The following C12orf42 variants were observed in gnomAD, a reference collection of about 807,000 sequenced individuals.
C12orf42 encodes the protein chromosome 12 open reading frame 42, also known as uncharacterized protein C12orf42.
In C12orf42, 25 loss-of-function variants were observed where a neutral mutation model predicts 21.6. The observed-to-expected ratio is 1.16, with a 90% CI of 0.84 to 1.62. C12orf42 has a LOEUF of 1.62. C12orf42 is among the 40% of genes most tolerant of loss of function. The probability of loss-of-function intolerance (pLI) is 0.00; values close to 1 mark genes in which losing one functional copy is unlikely to be tolerated. For missense variants in C12orf42, 483 were observed against 459.3 expected (o/e 1.05, Z -0.47); for synonymous variants, 174 against 175.0 (o/e 0.99, Z 0.05).
chr12:103,118,137 C>T, the C12orf42 span, among the ~76,000 whole-genome samples: 2 of 152,198 alleles, frequency 1.3e-5, no homozygotes, highest in African/African-American at 2.4e-5. Context: ...GAACTGTTAG[C>T]ACTTTCCTTG....
intron 4 of C12orf42, among the ~76,000 whole-genome samples, chr12:103,329,754 G>C (rs971193809): frequency 6.6e-6 from 1 of 151,820 alleles, no homozygotes; most frequent in Non-Finnish European, 1.5e-5. Context: ...CAAGGAAAAG[G>C]GGGGAAAAGT....
At chr12:103,560,562 T>C in the C12orf42 span, among the ~76,000 whole-genome samples, 1 of 152,248 alleles carries the variant, frequency 6.6e-6, no homozygotes, top group Non-Finnish European at 1.5e-5. Flanking sequence ...TCTGTGTACA[T>C]TTTACTGGTA....
chr12:103,546,069 C>T, the C12orf42 span, among the ~76,000 whole-genome samples: 86 of 152,252 alleles, frequency 5.6e-4, 1 homozygote, highest in African/African-American at 1.9e-3. Context: ...GAAGTTTAAA[C>T]ACTGAGAGAA....
chr12:103,161,002 C>T, the C12orf42 span, among the ~76,000 whole-genome samples: 1 of 152,150 alleles, frequency 6.6e-6, no homozygotes, highest in South Asian at 2.1e-4. Context: ...TTTAGACAAC[C>T]TATGTGAAAC....
the C12orf42 span, among the ~76,000 whole-genome samples, chr12:103,150,618 T>C: frequency 6.6e-6 from 1 of 152,172 alleles, no homozygotes; most frequent in Non-Finnish European, 1.5e-5. Context: ...AGTACATGCA[T>C]CTACTAAAGG....
At chr12:103,468,237 T>C (rs2137814166) in intron 2 of C12orf42, among the ~76,000 whole-genome samples, 1 of 152,204 alleles carries the variant, frequency 6.6e-6, no homozygotes, top group East Asian at 1.9e-4. Context: ...TTTCAAATTT[T>C]AATTAGATGT....
the C12orf42 span, among the ~76,000 whole-genome samples, chr12:103,539,575 T>A: frequency 1.1e-3 from 164 of 151,496 alleles, no homozygotes; most frequent in African/African-American, 3.7e-3. Context: ...AAATTGTAAG[T>A]TTAATTTTTT....
At chr12:103,049,659 T>C in the C12orf42 span, among the ~76,000 whole-genome samples, 3 of 152,184 alleles carry the variant, frequency 2.0e-5, no homozygotes, top group South Asian at 2.1e-4. Flanking sequence ...TATATTTTCA[T>C]TTTTTACTAC....
chr12:103,424,854 A>G (rs1246464093), intron 2 of C12orf42, among the ~76,000 whole-genome samples: 1 of 152,192 alleles, frequency 6.6e-6, no homozygotes, highest in African/African-American at 2.4e-5. Flanking sequence ...ATTGCCCTGG[A>G]AAGGGGGCTA....
chr12:103,313,452 G>T (rs144473340), intron 4 of C12orf42, among the ~76,000 whole-genome samples: 4,808 of 152,274 alleles, frequency 0.032, 94 homozygotes, highest in Middle Eastern at 0.048. Context: ...GAGGCCAAGA[G>T]CACAAGCACT....
At chr12:103,093,550 G>A in the C12orf42 span, among the ~76,000 whole-genome samples, 2 of 152,132 alleles carry the variant, frequency 1.3e-5, no homozygotes, top group Non-Finnish European at 2.9e-5. Context: ...TTGGGTTGGA[G>A]GGAAAGGTGA....
chr12:103,362,838 A>G (rs73185872), intron 4 of C12orf42, among the ~76,000 whole-genome samples: 21,776 of 151,962 alleles, frequency 0.14, 1,935 homozygotes, highest in South Asian at 0.28. Context: ...ACCTCCAAGA[A>G]GTTTGGGATT....
the C12orf42 span, among the ~76,000 whole-genome samples, chr12:103,223,922 A>G: frequency 6.6e-6 from 1 of 152,182 alleles, no homozygotes; most frequent in Non-Finnish European, 1.5e-5. Flanking sequence ...ATTTTTCTTG[A>G]AGACGGAGGA....
At chr12:103,158,516 T>C in the C12orf42 span, among the ~76,000 whole-genome samples, 1 of 152,150 alleles carries the variant, frequency 6.6e-6, no homozygotes, top group Non-Finnish European at 1.5e-5. Context: ...CCTAAGTACT[T>C]AGATAGAGCT....
At chr12:103,359,632 G>A (rs967469059) in intron 4 of C12orf42, among the ~76,000 whole-genome samples, 37 of 152,112 alleles carry the variant, frequency 2.4e-4, no homozygotes, top group African/African-American at 8.9e-4. Flanking sequence ...CATTTGTCAG[G>A]GCTGGGGTAG....
At chr12:103,228,624 T>C in the C12orf42 span, among the ~76,000 whole-genome samples, 1 of 152,026 alleles carries the variant, frequency 6.6e-6, no homozygotes, top group South Asian at 2.1e-4. Context: ...CTATAGGAAG[T>C]GAGACTGGGG....
At chr12:103,049,533 C>T in the C12orf42 span, among the ~76,000 whole-genome samples, 14 of 152,290 alleles carry the variant, frequency 9.2e-5, no homozygotes, top group African/African-American at 2.6e-4. Flanking sequence ...CAGCAATCAG[C>T]GTGTTCCTGT....
the C12orf42 span, among the ~76,000 whole-genome samples, chr12:103,548,404 T>C: frequency 2.0e-5 from 3 of 152,312 alleles, no homozygotes; most frequent in South Asian, 2.1e-4. Flanking sequence ...AAACTAATTA[T>C]ATTAAATGCC....
Position 103,489,074 on chromosome 12 carries a change from C to T in C12orf42, c.-22+6828G>A, listed in dbSNP as rs1172432207. Among the ~76,000 whole-genome samples the T allele has an allele frequency of 2.0e-5, 3 of 152,234 alleles. No individual in the cohort carries two copies. In the East Asian group the frequency reaches 5.8e-4, roughly 29 times the overall value. ...CTTTTCTGCTCTGGTTTCTCCCCATCTTTGTGGTTTTAGCTACCTTTTGTC... is the reference window on the plus strand; with the variant it reads ...CTTTTCTGCTCTGGTTTCTCCCCATTTTTGTGGTTTTAGCTACCTTTTGTC... On this transcript the variant is annotated intron_variant, in intron 1 of 5. Coordinates refer to ENST00000548883, the MANE Select transcript of C12orf42 (RefSeq NM_198521.5).
Sources: gnomAD v4.1 joint callset for allele counts (sites outside exome capture counted in the v4.1 genomes callset) on GRCh38, gnomAD v4.1.1 for gene constraint, MANE v1.5 for transcripts, NCBI Gene and HGNC (gene_info 2026-07-23, HGNC 2026-07-21) for gene names.